Variants in PPP1R3B observed in about 807,000 individuals in gnomAD.
The protein encoded by PPP1R3B is PP1 subunit R4.
Under a neutral mutation model 14.6 loss-of-function variants are expected in PPP1R3B, and 8 were observed. That is an observed-to-expected ratio of 0.55 (90% confidence interval 0.32 to 0.99). The LOEUF is 0.99. Among genes scored for constraint, PPP1R3B ranks in the 50% least tolerant of loss-of-function variants. The pLI is 0.04. For missense variants in PPP1R3B, 452 were observed against 360.1 expected (o/e 1.26, Z -2.07); for synonymous variants, 169 against 142.0 (o/e 1.19, Z -1.35).
chr8:9,148,095 G>C (rs1221836678), intron 1 of PPP1R3B, among the ~76,000 whole-genome samples: 4 of 152,310 alleles, frequency 2.6e-5, no homozygotes, highest in South Asian at 2.1e-4. Context: ...CAAAGTGCTG[G>C]TTTGGTGTAG....
intron 1 of PPP1R3B, among the ~76,000 whole-genome samples, chr8:9,148,373 A>G (rs765200153): frequency 1.3e-5 from 2 of 152,072 alleles, no homozygotes; most frequent in Non-Finnish European, 2.9e-5. Flanking sequence ...ATGAGTCACC[A>G]AAGTTGGCCA....
At chr8:9,146,165 G>T (rs1430709511) in intron 1 of PPP1R3B, among the ~76,000 whole-genome samples, 3 of 152,160 alleles carry the variant, frequency 2.0e-5, no homozygotes, top group Non-Finnish European at 4.4e-5. Context: ...AATTACCATG[G>T]CAAATTTATA....
At chr8:9,148,468 T>C (rs1801308106) in intron 1 of PPP1R3B, among the ~76,000 whole-genome samples, 1 of 152,198 alleles carries the variant, frequency 6.6e-6, no homozygotes, top group Non-Finnish European at 1.5e-5. Context: ...AGTTGCAGGA[T>C]AGGAATGAGT....
At chr8:9,147,501 C>G (rs1277219303) in intron 1 of PPP1R3B, among the ~76,000 whole-genome samples, 2 of 152,040 alleles carry the variant, frequency 1.3e-5, no homozygotes, top group Non-Finnish European at 2.9e-5. Flanking sequence ...CAGCCTCCTA[C>G]GTGCTTTTTC....
rs1399867274 is a variant in PPP1R3B at position 9,139,590 on chromosome 8, C to T, written c.*1204G>A. The T allele has an allele frequency of 1.3e-5, 2 of 152,124 alleles. No individual in the cohort carries two copies. The highest frequency in any genetic ancestry group is 2.4e-5 in the African/African-American group (1 of 41,418). 9.4% of individuals were successfully genotyped at this position (152,124 alleles called of 1,614,324 possible). On this transcript the variant is annotated 3_prime_UTR_variant, in exon 2 of 2. Coordinates refer to ENST00000310455, the MANE Select transcript of PPP1R3B (RefSeq NM_024607.4). Reference sequence around the variant, plus strand: ...TTGAGACGGAGTCTCGCTCTGCTGCCCAGGCGGGAATGCAGTGGTGTGATC... The same window carrying T: ...TTGAGACGGAGTCTCGCTCTGCTGCTCAGGCGGGAATGCAGTGGTGTGATC...
intron 1 of PPP1R3B, among the ~76,000 whole-genome samples, chr8:9,143,969 A>C (rs1319243273): frequency 6.6e-6 from 1 of 152,148 alleles, no homozygotes; most frequent in Non-Finnish European, 1.5e-5. Context: ...TTAATATGTA[A>C]AGTGTTCTTA....
rs750674943 is a variant in PPP1R3B at position 9,141,350 on chromosome 8, C to T, written c.302G>A (p.Ser101Asn). ...NITELLDNIVSLTTAESESFV... is the reference protein window; with the variant it reads ...NITELLDNIVNLTTAESESFV... ...GCTCTCGCTCTCTGCTGTCGTCAAG[C>T]TCACAATGTTGTCTAGGAGCTCGGT... Residue 101 changes from serine to asparagine, a missense_variant, in exon 2 of 2, where the codon AGC becomes AAC. Transcript: ENST00000310455. 4 of 1,614,234 alleles carry T rather than the reference C, an allele frequency of 2.5e-6. No homozygotes were observed. In the Admixed American group the frequency reaches 6.7e-5, roughly 27 times the overall value.
At chr8:9,141,719 TCAGA>T in intron 1 of PPP1R3B, 51 bp from the exon 2 acceptor site, 1 of 1,536,050 alleles carries the variant, frequency 6.5e-7, no homozygotes, top group East Asian at 2.3e-5. Flanking sequence ...AGCAATCAGA[TCAGA>T]CAGATGTGTA....
chr8:9,143,888 G>C (rs1025815268), intron 1 of PPP1R3B, among the ~76,000 whole-genome samples: 16 of 151,882 alleles, frequency 1.1e-4, no homozygotes, highest in African/African-American at 3.4e-4. Flanking sequence ...AAAACGATAA[G>C]TAAAACAAAA....
At position 9,140,991 on chromosome 8, in the gene PPP1R3B, A is replaced by G; in HGVS notation, c.661T>C (p.Tyr221His). Reference protein sequence around the residue: ...AVYYECNGQTYWDSNRGKNYR... With the variant: ...AVYYECNGQTHWDSNRGKNYR... ...TTCTTGCCTCTGTTGCTGTCCCAGT[A>G]CGTCTGTCCATTGCACTCGTAGTAC... The change falls in exon 2 of 2, where the codon TAC (tyrosine) becomes CAC (histidine). Residue 221 changes from tyrosine (Y) to histidine (H), a missense_variant. Tyr to His is a moderately conservative substitution (Grantham distance 83, BLOSUM62 2). Transcript: ENST00000310455. 1 of 1,614,040 alleles carries G rather than the reference A, an allele frequency of 6.2e-7. No individual in the cohort carries two copies.
At position 9,141,582 on chromosome 8, in the gene PPP1R3B, A is replaced by C; in HGVS notation, c.70T>G (p.Phe24Val). The stretch of plus-strand genomic sequence containing the variant: ...TTGCTGGGCTTTGGTGAGATCTTAA[A>C]GGCAAACCTCTCTTGGCGCAAGGAA... ...APSLRQERFA[F>V]KISPKPSKPL... The change falls in exon 2 of 2, where the codon TTT (phenylalanine) becomes GTT (valine). Residue 24 changes from phenylalanine (F) to valine (V), a missense_variant. Transcript: ENST00000310455. 6.2e-7 allele frequency: 1 copy of C among 1,614,122 alleles called. No individual in the cohort carries two copies. The highest frequency in any genetic ancestry group is 8.5e-7 in the Non-Finnish European group (1 of 1,180,030).
intron 1 of PPP1R3B, among the ~76,000 whole-genome samples, chr8:9,150,313 A>C (rs544873911): frequency 6.6e-6 from 1 of 152,278 alleles, no homozygotes; most frequent in African/African-American, 2.4e-5. Context: ...CTTTTTCAGA[A>C]AACAGTGCTC....
chr8:9,151,474 G>A (rs1483109833), upstream of PPP1R3B: 1 of 162,298 alleles, frequency 6.2e-6, no homozygotes, highest in Non-Finnish European at 1.4e-5. Flanking sequence ...CCCCGCGGGC[G>A]GCGAAGTCCG....
At chr8:9,148,370 A>G (rs924009084) in intron 1 of PPP1R3B, among the ~76,000 whole-genome samples, 6 of 152,116 alleles carry the variant, frequency 3.9e-5, no homozygotes, top group Non-Finnish European at 8.8e-5. Context: ...AATATGAGTC[A>G]CCAAAGTTGG....
intron 1 of PPP1R3B, among the ~76,000 whole-genome samples, chr8:9,143,750 C>G (rs1175342839): frequency 6.6e-6 from 1 of 152,018 alleles, no homozygotes; most frequent in African/African-American, 2.4e-5. Flanking sequence ...TATTCTTAAG[C>G]CTTTAACATA....
In PPP1R3B at chr8:9,141,578, T is replaced by C. The variant is rs1801091417; in HGVS notation, c.74A>G (p.Lys25Arg). Residue 25 changes from lysine (K) to arginine (R), a missense_variant, in exon 2 of 2, where the codon AAG becomes AGG. Physicochemically the swap from Lys to Arg is conservative, Grantham distance 26. Coordinates refer to ENST00000310455, the MANE Select transcript of PPP1R3B (RefSeq NM_024607.4). The part of the protein sequence containing the change: ...PSLRQERFAF[K>R]ISPKPSKPLR... ...TGGTTTGCTGGGCTTTGGTGAGATC[T>C]TAAAGGCAAACCTCTCTTGGCGCAA... The C allele has an allele frequency of 6.2e-7, 1 of 1,614,126 alleles. No homozygotes were observed. Among genetic ancestry groups the C allele is most frequent in the South Asian group, 1.1e-5 (1 of 91,082 alleles).
chr8:9,147,783 CTAAT>C (rs10523713), intron 1 of PPP1R3B, among the ~76,000 whole-genome samples: 46,169 of 151,074 alleles, frequency 0.31, 8,452 homozygotes, highest in East Asian at 0.77. Flanking sequence ...AGAGCCAGAG[CTAAT>C]TAAACAATGC....
intron 1 of PPP1R3B, among the ~76,000 whole-genome samples, chr8:9,142,696 C>T (rs1413633368): frequency 1.3e-5 from 2 of 152,084 alleles, no homozygotes; most frequent in African/African-American, 2.4e-5. Flanking sequence ...TTCTGGTAGC[C>T]ACCCCTGTAC....
intron 1 of PPP1R3B, among the ~76,000 whole-genome samples, chr8:9,145,966 C>G (rs987827450): frequency 1.3e-5 from 2 of 151,970 alleles, no homozygotes; most frequent in Non-Finnish European, 1.5e-5. Flanking sequence ...AACTCCTGGG[C>G]CCAAGCAATC....
Sources: gnomAD v4.1 joint callset for allele counts (sites outside exome capture counted in the v4.1 genomes callset) on GRCh38, gnomAD v4.1.1 for gene constraint, MANE v1.5 for transcripts, NCBI Gene and HGNC (gene_info 2026-07-23, HGNC 2026-07-21) for gene names.